Variants in PCDH7 observed in about 807,000 individuals in gnomAD.
PCDH7 encodes protocadherin-7.
PCDH7 carries 17 observed loss-of-function variants against 58.9 expected under a neutral mutation model. That is an observed-to-expected ratio of 0.29 (90% confidence interval 0.20 to 0.43). The LOEUF (loss-of-function observed/expected upper bound fraction) is 0.43. Ranked by LOEUF, PCDH7 falls within the 20% of genes least tolerant of loss-of-function variation. The probability of loss-of-function intolerance (pLI) is 1.00; values close to 1 mark genes in which losing one functional copy is unlikely to be tolerated. For missense variants in PCDH7, 1,274 were observed against 1,441.0 expected, an observed-to-expected ratio of 0.88 and a Z score of 1.88; for synonymous variants, 664 against 616.4, an observed-to-expected ratio of 1.08 and a Z score of -1.14.
At chr4:30,996,963 TTTA>T (rs1434102817) in intron 3 of PCDH7, among the ~76,000 whole-genome samples, 1 of 152,202 alleles carries the variant, frequency 6.6e-6, no homozygotes, top group Non-Finnish European at 1.5e-5. Context: ...AAACTGCCTA[TTTA>T]CTCTGTTTAT....
chr4:30,895,431 A>G (rs573022927), intron 1 of PCDH7, among the ~76,000 whole-genome samples: 1 of 152,286 alleles, frequency 6.6e-6, no homozygotes, highest in African/African-American at 2.4e-5. Context: ...GTGTGGCTAT[A>G]GGAACATATG....
intron 1 of PCDH7, among the ~76,000 whole-genome samples, chr4:30,801,439 A>G (rs759191326): frequency 2.0e-5 from 3 of 152,126 alleles, no homozygotes; most frequent in Non-Finnish European, 4.4e-5. Context: ...AATGAAGTAA[A>G]CTTAGAATCA....
intron 1 of PCDH7, among the ~76,000 whole-genome samples, chr4:30,753,160 A>T (rs369965574): frequency 2.6e-4 from 40 of 152,328 alleles, no homozygotes; most frequent in Middle Eastern, 6.8e-3. Context: ...GTCGTTATAA[A>T]CAATAATGGG....
intron 1 of PCDH7, among the ~76,000 whole-genome samples, chr4:30,745,850 T>A (rs947937127): frequency 2.0e-5 from 3 of 146,920 alleles, no homozygotes; most frequent in Admixed American, 2.0e-4. Flanking sequence ...TTACTGTTAA[T>A]TTTTTTTGAT....
chr4:31,095,753 T>C (rs1358815119), intron 3 of PCDH7, among the ~76,000 whole-genome samples: 1 of 152,094 alleles, frequency 6.6e-6, no homozygotes, highest in African/African-American at 2.4e-5. Flanking sequence ...AATTAAGAAG[T>C]TCTATTCACT....
intron 3 of PCDH7, among the ~76,000 whole-genome samples, chr4:31,072,299 T>C (rs939187256): frequency 1.3e-5 from 2 of 152,148 alleles, no homozygotes; most frequent in Admixed American, 6.6e-5. Context: ...CCCTGAGATA[T>C]GTAGTCATGC....
chr4:30,727,891 A>C (rs1244324851), intron 1 of PCDH7, among the ~76,000 whole-genome samples: 1 of 151,922 alleles, frequency 6.6e-6, no homozygotes, highest in Non-Finnish European at 1.5e-5. Context: ...AATTCTATTG[A>C]GCTTATCCTT....
intron 1 of PCDH7, among the ~76,000 whole-genome samples, chr4:30,745,491 C>G (rs1372447405): frequency 6.6e-6 from 1 of 152,076 alleles, no homozygotes; most frequent in Non-Finnish European, 1.5e-5. Flanking sequence ...AAGATACTGC[C>G]TCTCCAAGTT....
intron 3 of PCDH7, among the ~76,000 whole-genome samples, chr4:30,995,306 A>G (rs1238531346): frequency 2.0e-5 from 3 of 152,074 alleles, no homozygotes; most frequent in Non-Finnish European, 4.4e-5. Flanking sequence ...TCATGAGGTC[A>G]GGAGATCCAT....
chr4:30,751,568 AATATT>A (rs1718527395), intron 1 of PCDH7, among the ~76,000 whole-genome samples: 1 of 152,138 alleles, frequency 6.6e-6, no homozygotes. Flanking sequence ...ATTGGATCCA[AATATT>A]ATATTATGTG....
intron 1 of PCDH7, among the ~76,000 whole-genome samples, chr4:30,833,815 C>T (rs377120573): frequency 2.6e-5 from 4 of 152,060 alleles, no homozygotes; most frequent in South Asian, 2.1e-4. Flanking sequence ...ACAGAAATTA[C>T]GCAGATAATC....
At chr4:30,819,958 T>A (rs41461646) in intron 1 of PCDH7, among the ~76,000 whole-genome samples, 3,929 of 152,226 alleles carry the variant, frequency 0.026, 76 homozygotes, top group Middle Eastern at 0.058. Flanking sequence ...GTAAGGGTGC[T>A]CTAAATATGT....
At chr4:30,811,502 T>C (rs1448650385) in intron 1 of PCDH7, among the ~76,000 whole-genome samples, 1 of 152,100 alleles carries the variant, frequency 6.6e-6, no homozygotes, top group Non-Finnish European at 1.5e-5. Flanking sequence ...TGAAGTGCTA[T>C]GGAAAAAAGT....
intron 1 of PCDH7, among the ~76,000 whole-genome samples, chr4:30,837,432 T>C (rs960381381): frequency 6.6e-6 from 1 of 151,454 alleles, no homozygotes; most frequent in Non-Finnish European, 1.5e-5. Context: ...CAGAGATAAT[T>C]GCCTACCACT....
intron 1 of PCDH7, among the ~76,000 whole-genome samples, chr4:30,753,157 T>C (rs918996849): frequency 2.6e-5 from 4 of 152,208 alleles, no homozygotes; most frequent in Admixed American, 1.3e-4. Context: ...TAAGTCGTTA[T>C]AAACAATAAT....
chr4:30,937,822 A>G (rs1745541364), intron 2 of PCDH7, among the ~76,000 whole-genome samples: 1 of 151,992 alleles, frequency 6.6e-6, no homozygotes, highest in African/African-American at 2.4e-5. Context: ...ATATGGAATC[A>G]TGTCATCTAT....
chr4:31,003,698 G>T (rs1055097010), intron 3 of PCDH7, among the ~76,000 whole-genome samples: 1 of 151,382 alleles, frequency 6.6e-6, no homozygotes, highest in Non-Finnish European at 1.5e-5. Context: ...ACGAGGTCAG[G>T]ATATCGAGAC....
intron 3 of PCDH7, among the ~76,000 whole-genome samples, chr4:30,977,652 T>C (rs1750188747): frequency 6.6e-6 from 1 of 152,142 alleles, no homozygotes; most frequent in Non-Finnish European, 1.5e-5. Flanking sequence ...TTCTCAGAAA[T>C]TGTGTACTTG....
intron 3 of PCDH7, among the ~76,000 whole-genome samples, chr4:30,951,561 G>A (rs142098027): frequency 5.9e-5 from 9 of 152,188 alleles, no homozygotes; most frequent in East Asian, 3.9e-4. Context: ...AGGTCCCTCC[G>A]TCTGGAAGGC....
Sources: allele counts gnomAD v4.1 joint callset (sites outside exome capture counted in the v4.1 genomes callset), GRCh38; gene constraint gnomAD v4.1.1; transcripts MANE v1.5; gene names NCBI Gene and HGNC (gene_info 2026-07-23, HGNC 2026-07-21).